The following SUCLA2 variants were observed in gnomAD, a reference collection of about 807,000 sequenced individuals.
SUCLA2 encodes the protein succinate--CoA ligase [ADP-forming] subunit beta, mitochondrial.
A neutral mutation model predicts 54.8 loss-of-function variants in SUCLA2; 30 were observed. The observed-to-expected ratio is 0.55, with a 90% confidence interval of 0.41 to 0.74. SUCLA2 has a LOEUF of 0.74. SUCLA2 is among the 30% of genes least tolerant of loss of function. The pLI is 0.00. For missense variants in SUCLA2, 476 were observed against 562.9 expected (o/e 0.85, Z 1.56); for synonymous variants, 172 against 188.9 (o/e 0.91, Z 0.74).
intron 2 of SUCLA2, chr13:47,994,739 AAC>A (rs2137751217): frequency 2.7e-6 from 2 of 735,044 alleles, no homozygotes; most frequent in Admixed American, 1.3e-4. Flanking sequence ...TTTGACAAAA[AAC>A]ACACTTTCTA....
At position 47,965,769 on chromosome 13, in the gene SUCLA2, A is replaced by C. The variant is rs1426660619; in HGVS notation, c.802+2826T>G. ...AATAAATGTAGTCAGGTTATATAAG[A>C]GAACGTTCTTGGCTTGCGCCTGTAA... On this transcript the variant is annotated intron_variant, in intron 6 of 10. Coordinates refer to ENST00000646932, the MANE Select transcript of SUCLA2 (RefSeq NM_003850.3). The C allele has an allele frequency of 7.6e-6, 3 of 392,790 alleles. No individual in the cohort carries two copies. The Admixed American group carries it at 1.3e-4, about 17-fold the overall frequency. The allele number at this position is 392,790 out of a possible 1,614,324, so 24.3% of individuals were successfully genotyped here. A position where few individuals can be genotyped will look rare whatever the true frequency, so the allele number is the denominator to read the frequency against.
chr13:47,967,624 T>C (rs1949929751), intron 6 of SUCLA2, among the ~76,000 whole-genome samples: 1 of 152,022 alleles, frequency 6.6e-6, no homozygotes, highest in African/African-American at 2.4e-5. Context: ...GCAGATTACC[T>C]AAGGTCAGGA....
intron 4 of SUCLA2, among the ~76,000 whole-genome samples, chr13:47,986,396 T>C (rs1285457316): frequency 6.6e-6 from 1 of 152,202 alleles, no homozygotes; most frequent in Non-Finnish European, 1.5e-5. Flanking sequence ...TTGTTTGCTT[T>C]TTTTCTTGAA....
At chr13:47,977,567 C>A (rs1438640358) in intron 4 of SUCLA2, among the ~76,000 whole-genome samples, 1 of 151,952 alleles carries the variant, frequency 6.6e-6, no homozygotes. Flanking sequence ...ATTAAAGGGA[C>A]TTTACATCAT....
intron 1 of SUCLA2, among the ~76,000 whole-genome samples, chr13:47,999,149 G>C (rs948709095): frequency 6.6e-6 from 1 of 152,152 alleles, no homozygotes; most frequent in Admixed American, 6.5e-5. Context: ...GTTGGTCAGA[G>C]AAAATGTCAC....
At chr13:47,954,859 C>T (rs1256143889) in intron 6 of SUCLA2, among the ~76,000 whole-genome samples, 1 of 152,062 alleles carries the variant, frequency 6.6e-6, no homozygotes, top group Non-Finnish European at 1.5e-5. Context: ...TATCCTTGTT[C>T]GTAGCTAACC....
In SUCLA2 at chr13:47,996,575, T is replaced by C. The variant is rs8001871; in HGVS notation, c.271+268A>G. 0.23 allele frequency among the ~76,000 whole-genome samples: 35,055 copies of C among 151,634 alleles called. 4,829 individuals are homozygous for C. The highest frequency in any genetic ancestry group is 0.39 in the African/African-American group (16,151 of 41,286). Reference sequence around the variant, plus strand: ...GGTAGTAGTAGAATTCCCTTCCCCATAATTATATTCCAACTAAAAACAGGA... The same window carrying C: ...GGTAGTAGTAGAATTCCCTTCCCCACAATTATATTCCAACTAAAAACAGGA... On this transcript the variant is annotated intron_variant, in intron 2 of 10. Coordinates refer to ENST00000646932, the MANE Select transcript of SUCLA2 (RefSeq NM_003850.3).
chr13:47,943,766 G>GTGTGTGTGTATATATATATATA (rs1300486540), intron 10 of SUCLA2, among the ~76,000 whole-genome samples: 5 of 139,672 alleles, frequency 3.6e-5, no homozygotes, highest in African/African-American at 1.3e-4. Flanking sequence ...GTGTGTGTGT[G>GTGTGTGTGTATATATATATATA]TATATATATA....
intron 1 of SUCLA2, among the ~76,000 whole-genome samples, chr13:47,999,174 G>GT (rs1336502740): frequency 1.3e-5 from 2 of 150,026 alleles, no homozygotes; most frequent in Admixed American, 1.3e-4. Flanking sequence ...TCTCATCCCA[G>GT]TTTAAATTTT....
chr13:47,945,422 C>CAAAAAAAA (rs10661341), intron 10 of SUCLA2, among the ~76,000 whole-genome samples: 3 of 50,008 alleles, frequency 6.0e-5, no homozygotes, highest in Non-Finnish European at 6.6e-5. Context: ...GACTCAGTCT[C>CAAAAAAAA]AAAAAAAAAA....
At chr13:47,952,004 A>C (rs1949780320) in intron 8 of SUCLA2, among the ~76,000 whole-genome samples, 1 of 151,876 alleles carries the variant, frequency 6.6e-6, no homozygotes, top group Non-Finnish European at 1.5e-5. Flanking sequence ...AAAAAAAAAA[A>C]AAAAGTCCTG....
At chr13:47,972,669 A>T (rs202160585) in intron 5 of SUCLA2, among the ~76,000 whole-genome samples, 1 of 8,300 alleles carries the variant, frequency 1.2e-4, no homozygotes, top group Non-Finnish European at 4.6e-4. Context: ...ACTCCGTCTT[A>T]AAAAAAAAAA....
chr13:47,949,118 C>T (rs1198007609), intron 9 of SUCLA2, 90 bp from the exon 10 acceptor site: 2 of 1,278,846 alleles, frequency 1.6e-6, no homozygotes, highest in Non-Finnish European at 2.3e-6. Context: ...AAGAATAAAA[C>T]CTCAACAGAG....
At chr13:47,964,754 G>A (rs1949903846) in intron 6 of SUCLA2, among the ~76,000 whole-genome samples, 1 of 152,106 alleles carries the variant, frequency 6.6e-6, no homozygotes, top group Admixed American at 6.6e-5. Flanking sequence ...CTGCTTGGGA[G>A]GCTGAGGCAG....
chr13:47,958,549 G>A (rs747952072), intron 6 of SUCLA2, among the ~76,000 whole-genome samples: 1 of 152,122 alleles, frequency 6.6e-6, no homozygotes, highest in African/African-American at 2.4e-5. Flanking sequence ...AAATAGCAAC[G>A]TCCTCAGAAT....
At chr13:47,954,598 C>T (rs1392548422) in intron 6 of SUCLA2, 41 bp from the exon 7 acceptor site, 3 of 1,601,340 alleles carry the variant, frequency 1.9e-6, no homozygotes, top group Non-Finnish European at 2.6e-6. Flanking sequence ...AATTTCAAGA[C>T]AGATACAATA....
intron 4 of SUCLA2, among the ~76,000 whole-genome samples, chr13:47,985,954 T>C (rs548722259): frequency 2.6e-5 from 4 of 152,178 alleles, no homozygotes; most frequent in Non-Finnish European, 4.4e-5. Flanking sequence ...TGGTATCTCA[T>C]TGTGGTTTTG....
At chr13:47,956,877 A>T (rs1949825670) in intron 6 of SUCLA2, 1 of 152,248 alleles carries the variant, frequency 6.6e-6, no homozygotes, top group Admixed American at 6.5e-5. Flanking sequence ...GTAAATCTTC[A>T]TCTATGGGTA....
chr13:47,954,605 A>T, intron 6 of SUCLA2, 48 bp from the exon 7 acceptor site: 3 of 1,587,532 alleles, frequency 1.9e-6, no homozygotes, highest in Non-Finnish European at 8.6e-7. Context: ...AGACAGATAC[A>T]ATAAAGTATC....
Sources: allele counts gnomAD v4.1 joint callset (sites outside exome capture counted in the v4.1 genomes callset), GRCh38; gene constraint gnomAD v4.1.1; transcripts MANE v1.5; gene names NCBI Gene and HGNC (gene_info 2026-07-23, HGNC 2026-07-21).